The following COL6A1 variants were observed in gnomAD, a reference collection of about 807,000 sequenced individuals.
The protein encoded by COL6A1 is collagen type VI alpha 1 chain.
In COL6A1, 80 loss-of-function variants were observed where a neutral mutation model predicts 145.6. The ratio of observed to expected loss-of-function variants is 0.55; its 90% CI spans 0.46 to 0.66. The LOEUF is 0.66. COL6A1 is among the 30% of genes least tolerant of loss of function. The pLI is 0.00. For missense variants in COL6A1, 1,364 were observed against 1,473.8 expected, an observed-to-expected ratio of 0.93 and a Z score of 1.22; for synonymous variants, 638 against 622.8, an observed-to-expected ratio of 1.02 and a Z score of -0.36.
chr21:45,994,032 A>C lies in COL6A1; in HGVS notation c.1336-135A>C. On this transcript the variant is annotated intron_variant, in intron 19 of 34. Coordinates refer to ENST00000361866, the MANE Select transcript of COL6A1 (RefSeq NM_001848.3). This position sits in a 1 kb window ranked among gnomAD's most constrained non-coding sequence, Gnocchi z 6.8. The stretch of plus-strand genomic sequence containing the variant: ...GAGGAAACGCTTGGCGAGGCCAGGA[A>C]GGGGCTGTGCGGGGAGGGAAGGCCG... 2.2e-6 allele frequency: 2 copies of C among 895,188 alleles called. No individual in the cohort carries two copies. Among genetic ancestry groups the C allele is most frequent in the Non-Finnish European group, 1.8e-6 (1 of 551,756 alleles). 55.5% of individuals were successfully genotyped at this position (895,188 alleles called of 1,614,324 possible).
chr21:46,000,552 C>G (rs1014628887), intron 28 of COL6A1, among the ~76,000 whole-genome samples, 185 bp downstream of exon 28: 6 of 152,202 alleles, frequency 3.9e-5, no homozygotes, highest in Non-Finnish European at 7.3e-5. Context: ...CCCGCACAGG[C>G]TGAGAGTCCC....
In COL6A1 at chr21:46,004,147, C is replaced by T. The variant is rs2077867177; in HGVS notation, c.*134C>T. On this transcript the variant is annotated 3_prime_UTR_variant, in exon 35 of 35. Transcript: ENST00000361866. ...TTTTTTTAAGGAAAAGCTTGGAAAG[C>T]CAGGACACAACGCTGCTGCCTGCTT... is the stretch of plus-strand genomic sequence containing the variant. The T allele has an allele frequency of 4.7e-5, 60 of 1,282,364 alleles. 2 individuals are homozygous for T. The South Asian group carries it at 7.7e-4, about 16-fold the overall frequency. 79.4% of individuals were successfully genotyped at this position (1,282,364 alleles called of 1,614,324 possible). A position where few individuals can be genotyped will look rare whatever the true frequency, so the allele number is the denominator to read the frequency against.
chr21:45,982,823 G>T, intron 2 of COL6A1, 60 bp downstream of exon 2: 1 of 1,598,696 alleles, frequency 6.3e-7, no homozygotes, highest in South Asian at 1.1e-5. Flanking sequence ...AGGGAGGGGT[G>T]GGGGCCCAGG....
At chr21:45,982,178 C>T (rs1186799173) in intron 1 of COL6A1, among the ~76,000 whole-genome samples, 1 of 150,974 alleles carries the variant, frequency 6.6e-6, no homozygotes, top group Non-Finnish European at 1.5e-5. Context: ...GGACCGCAGG[C>T]AGCTCGGGAG....
At chr21:45,991,153 G>A (rs534947739) in intron 15 of COL6A1, 112 bp downstream of exon 15, 53 of 1,183,202 alleles carry the variant, frequency 4.5e-5, no homozygotes, top group South Asian at 1.4e-4. Context: ...CCACCCGTGC[G>A]GCCTCAGAGG....
chr21:45,995,505 G>A (rs772089720), intron 20 of COL6A1, among the ~76,000 whole-genome samples: 20 of 152,262 alleles, frequency 1.3e-4, no homozygotes, highest in Non-Finnish European at 2.5e-4. Flanking sequence ...GGGAATGAGC[G>A]TTCAGAGGCC....
rs886042572 is a variant in COL6A1, at chr21:46,001,338, C to G, written c.1908C>G (p.Asp636Glu). 1.2e-5 allele frequency: 19 copies of G among 1,612,784 alleles called. No homozygotes were observed. The highest frequency in any genetic ancestry group is 1.6e-5 in the Non-Finnish European group (19 of 1,179,914). ...TGCAGAACTTCGAGATTGCCAAGGA[C>G]TTCGTCGTCAAGGTCATCGACCGGC... ...IGLQNFEIAK[D>E]FVVKVIDRLS... is the part of the protein sequence containing the mutation. Residue 636 changes from aspartate to glutamate, a missense_variant, in exon 30 of 35, where the codon GAC (aspartate) becomes GAG (glutamate). Coordinates refer to ENST00000361866, the MANE Select transcript of COL6A1 (RefSeq NM_001848.3).
At chr21:45,999,359 G>C in intron 26 of COL6A1, 141 bp downstream of exon 26, 1 of 902,074 alleles carries the variant, frequency 1.1e-6, no homozygotes. Context: ...GGGAGGCCCT[G>C]GGGGTGGGAG....
In COL6A1 at chr21:46,003,480, G is replaced by C. The variant is rs748327110; in HGVS notation, c.2554G>C (p.Ala852Pro). ...CAACTTTGACACCACCAAGCGCTTC[G>C]CCAAGCGCCTGGCCGAGCGCTTCCT... The part of the protein sequence containing the change: ...SHNFDTTKRF[A>P]KRLAERFLTA... The change falls in exon 35 of 35, where the codon GCC becomes CCC. Residue 852 changes from alanine to proline, a missense_variant. Coordinates refer to ENST00000361866, the MANE Select transcript of COL6A1 (RefSeq NM_001848.3). The C allele has an allele frequency of 1.2e-6, 2 of 1,609,544 alleles. No homozygotes were observed. Among genetic ancestry groups the C allele is most frequent in the Admixed American group, 3.3e-5 (2 of 59,970 alleles).
At chr21:45,983,029 C>G (rs2077717319) in intron 2 of COL6A1, among the ~76,000 whole-genome samples, 2 of 149,388 alleles carry the variant, frequency 1.3e-5, no homozygotes, top group African/African-American at 2.6e-5. Context: ...ACCTGTTCAG[C>G]AGGGCCGAGG....
chr21:46,003,346 C>T (rs1374907123), intron 34 of COL6A1, 45 bp from the exon 35 acceptor site: 10 of 1,600,302 alleles, frequency 6.2e-6, no homozygotes, highest in Middle Eastern at 1.7e-4. Context: ...ACTGCGGCTG[C>T]ATCACCAGGG....
intron 11 of COL6A1, 70 bp from the exon 12 acceptor site, chr21:45,990,188 G>T: frequency 1.9e-6 from 3 of 1,594,510 alleles, no homozygotes; most frequent in Non-Finnish European, 2.6e-6. Flanking sequence ...GCCTCGCGTG[G>T]GCCTAAGCCA....
At chr21:45,988,594 T>TCC (rs2077756766) in intron 8 of COL6A1, among the ~76,000 whole-genome samples, 2 of 152,124 alleles carry the variant, frequency 1.3e-5, no homozygotes, top group African/African-American at 4.8e-5. Flanking sequence ...CCGCACTCTG[T>TCC]TCAGAAGGAC....
At position 46,004,748 on chromosome 21, in the gene COL6A1, C is replaced by G. The variant is rs1268243253; in HGVS notation, c.*735C>G. On this transcript the variant is annotated 3_prime_UTR_variant, in exon 35 of 35. Coordinates refer to ENST00000361866, the MANE Select transcript of COL6A1 (RefSeq NM_001848.3). ...TGCTGACCAGCACTGACCCCGACCT[C>G]AGAGAGTACTCGCAGGGGCGCTGGC... 1 of 443,136 alleles carries G rather than the reference C, an allele frequency of 2.3e-6. No homozygotes were observed. Among genetic ancestry groups the G allele is most frequent in the Middle Eastern group, 3.3e-4 (1 of 3,036 alleles). 27.5% of individuals were successfully genotyped at this position (443,136 alleles called of 1,614,324 possible).
chr21:46,000,807 G>A (rs1200175203), intron 29 of COL6A1, 40 bp downstream of exon 29: 3 of 1,612,718 alleles, frequency 1.9e-6, no homozygotes. Flanking sequence ...ATGGATCCCG[G>A]GGGTCGGGGA....
Position 45,999,174 on chromosome 21 carries a change from GGA to G in COL6A1, c.1698_1699del (p.Val567GlnfsTer41). The G allele has an allele frequency of 6.2e-7, 1 of 1,602,654 alleles. No homozygotes were observed. Among genetic ancestry groups the G allele is most frequent in the Non-Finnish European group, 8.5e-7 (1 of 1,175,566 alleles). On this transcript the variant is annotated frameshift_variant, in exon 26 of 35. Transcript: ENST00000361866. LOFTEE classifies it high-confidence loss of function. ...GDDNNDIAPR[G>X]VKGAKGYRGP... ...CTAGAACAACGACATTGCACCCCGA[GGA>G]GTCAAAGGAGCAAAGGGGTACCGGG...
chr21:46,001,147 G>T (rs1382576939), intron 29 of COL6A1, 106 bp from the exon 30 acceptor site: 9 of 1,475,670 alleles, frequency 6.1e-6, no homozygotes, highest in Non-Finnish European at 8.3e-6. Flanking sequence ...ACCCCAACGT[G>T]TCAGGTGAGG....
rs1394105142 is a variant in COL6A1 at position 45,998,404 on chromosome 21, C to A, written c.1582C>A (p.Pro528Thr). The A allele has an allele frequency of 3.7e-6, 6 of 1,613,194 alleles. No individual in the cohort carries two copies. In the Admixed American group the frequency reaches 6.7e-5, roughly 18 times the overall value. Residue 528 changes from proline (P) to threonine (T), a missense_variant, in exon 24 of 35, where the codon CCG becomes ACG. Pro to Thr is a conservative substitution (Grantham distance 38). Coordinates refer to ENST00000361866, the MANE Select transcript of COL6A1 (RefSeq NM_001848.3). The stretch of plus-strand genomic sequence containing the variant: ...CCCTGCTTTTCCATGACAGGGGTAT[C>A]CGGGCAACAGGGGCGCTCCCGGGAT... ...TEGFPGFPGY[P>T]GNRGAPGING...
intron 29 of COL6A1, 176 bp downstream of exon 29, chr21:46,000,943 G>A: frequency 1.2e-6 from 1 of 848,418 alleles, no homozygotes; most frequent in Non-Finnish European, 1.9e-6. Flanking sequence ...CGGGTGTTGG[G>A]CTGGGCCCCG....
Sources: allele counts gnomAD v4.1 joint callset (sites outside exome capture counted in the v4.1 genomes callset), GRCh38; gene constraint gnomAD v4.1.1; non-coding constraint Gnocchi (gnomAD v3.1); transcripts MANE v1.5; gene names NCBI Gene and HGNC (gene_info 2026-07-23, HGNC 2026-07-21).